FHOD3: variants seen among roughly 807,000 people sequenced by gnomAD.
FHOD3 encodes formin homology 2 domain containing 3, also known as FH1/FH2 domain-containing protein 3.
In FHOD3, 90 loss-of-function variants were observed where a neutral mutation model predicts 173.0. The observed-to-expected ratio is 0.52, with a 90% CI of 0.44 to 0.62. The LOEUF (loss-of-function observed/expected upper bound fraction) is 0.62, where lower values mean the gene tolerates loss of function less well. Among genes scored for constraint, FHOD3 ranks in the 20% least tolerant of loss-of-function variants. FHOD3 has a pLI of 0.00. For synonymous variants in FHOD3, 828 were observed against 823.0 expected (o/e 1.01, Z -0.10); for missense variants, 1,945 against 2,034.7 (o/e 0.96, Z 0.85).
At chr18:36,634,972 A>G (rs116782360) in intron 10 of FHOD3, among the ~76,000 whole-genome samples, 3,900 of 152,292 alleles carry the variant, frequency 0.026, 176 homozygotes, top group African/African-American at 0.09. Flanking sequence ...GATTTATCTG[A>G]TGGTAAGTGA....
intron 14 of FHOD3, among the ~76,000 whole-genome samples, chr18:36,667,071 C>T (rs114099756): frequency 3.3e-4 from 50 of 152,194 alleles, no homozygotes; most frequent in African/African-American, 1.1e-3. Context: ...TTTTGATATT[C>T]CTTCATGTTG....
intron 1 of FHOD3, among the ~76,000 whole-genome samples, chr18:36,348,983 A>G (rs1319096034): frequency 6.6e-6 from 1 of 152,132 alleles, no homozygotes; most frequent in Non-Finnish European, 1.5e-5. Context: ...CAAGCTCATG[A>G]GAAGAGGAGG....
intron 1 of FHOD3, among the ~76,000 whole-genome samples, chr18:36,349,031 C>G (rs967721006): frequency 6.6e-6 from 1 of 152,192 alleles, no homozygotes; most frequent in Non-Finnish European, 1.5e-5. Flanking sequence ...GCTGCTGAGC[C>G]TGTGAGTCAA....
intron 5 of FHOD3, among the ~76,000 whole-genome samples, chr18:36,563,198 CTTAA>C (rs1387731852): frequency 6.6e-6 from 1 of 152,104 alleles, no homozygotes; most frequent in African/African-American, 2.4e-5. Context: ...AGCATGTACT[CTTAA>C]TTGTTTTACA....
At chr18:36,346,926 C>T (rs2045903316) in intron 1 of FHOD3, among the ~76,000 whole-genome samples, 1 of 152,238 alleles carries the variant, frequency 6.6e-6, no homozygotes, top group Non-Finnish European at 1.5e-5. Context: ...TCAGTCCCTA[C>T]ACCCCACATT....
intron 3 of FHOD3, among the ~76,000 whole-genome samples, chr18:36,417,053 C>A (rs887743663): frequency 6.6e-6 from 1 of 152,044 alleles, no homozygotes; most frequent in African/African-American, 2.4e-5. Context: ...TATATATACA[C>A]ATATTTGTAA....
At chr18:36,402,586 TCA>T (rs894700844) in intron 3 of FHOD3, among the ~76,000 whole-genome samples, 1 of 144,898 alleles carries the variant, frequency 6.9e-6, no homozygotes, top group African/African-American at 2.6e-5. Flanking sequence ...ATGTCCAAGG[TCA>T]CACAGCTAGC....
chr18:36,606,015 A>G (rs1438137834), intron 8 of FHOD3, among the ~76,000 whole-genome samples: 2 of 152,154 alleles, frequency 1.3e-5, no homozygotes, highest in African/African-American at 2.4e-5. Flanking sequence ...GGTGGGAGGT[A>G]CAATGAGTAA....
chr18:36,374,090 T>A (rs1449116482), intron 3 of FHOD3, among the ~76,000 whole-genome samples: 1 of 152,214 alleles, frequency 6.6e-6, no homozygotes, highest in African/African-American at 2.4e-5. Context: ...AAAGCAGACT[T>A]GCATGAAAAT....
In FHOD3 at chr18:36,652,629, C is replaced by G. The variant is rs1233845789; in HGVS notation, c.1346C>G (p.Ser449Cys). The G allele has an allele frequency of 1.3e-6, 2 of 1,535,300 alleles. No individual in the cohort carries two copies. The highest frequency in any genetic ancestry group is 1.7e-6 in the Non-Finnish European group (2 of 1,146,674). ...GGAAGGGATGCTGCTCCCAAGAGCT[C>G]TGCCCTCCCTGCTGTCTCGAATGCC... Reference protein sequence around the residue: ...PTGRDAAPKSSALPAVSNASS... With the variant: ...PTGRDAAPKSCALPAVSNASS... Residue 449 changes from serine (S) to cysteine (C), a missense_variant, in exon 12 of 29, where the codon TCT becomes TGT. Around this residue, in one of 5 missense-constraint regions of FHOD3, gnomAD observed 1,099 missense variants for 1,051.2 expected, o/e 1.05. Coordinates refer to ENST00000590592, the MANE Select transcript of FHOD3 (RefSeq NM_001281740.3).
intron 3 of FHOD3, among the ~76,000 whole-genome samples, chr18:36,482,858 C>CACAGAGAGAG (rs1400178557): frequency 6.9e-5 from 9 of 130,372 alleles, no homozygotes; most frequent in African/African-American, 2.2e-4. Flanking sequence ...CACACACACA[C>CACAGAGAGAG]AGAGAGAGAG....
chr18:36,740,622 AG>A, intron 20 of FHOD3, 33 bp from the exon 21 acceptor site: 1 of 1,564,158 alleles, frequency 6.4e-7, no homozygotes, highest in Non-Finnish European at 8.7e-7. Flanking sequence ...TCCATCACTA[AG>A]AGAAAATATA....
At chr18:36,343,487 T>C (rs1344391458) in intron 1 of FHOD3, among the ~76,000 whole-genome samples, 2 of 152,144 alleles carry the variant, frequency 1.3e-5, no homozygotes, top group Admixed American at 1.3e-4. Flanking sequence ...AGGGTGGGCA[T>C]AATGGGAGGT....
chr18:36,703,484 G>A (rs1377293009), intron 17 of FHOD3, among the ~76,000 whole-genome samples: 1 of 152,174 alleles, frequency 6.6e-6, no homozygotes, highest in East Asian at 1.9e-4. Flanking sequence ...TTTCTCACAT[G>A]GGGACATCAA....
intron 6 of FHOD3, among the ~76,000 whole-genome samples, chr18:36,579,793 C>T (rs191976346): frequency 6.6e-6 from 1 of 152,076 alleles, no homozygotes; most frequent in African/African-American, 2.4e-5. Flanking sequence ...AAATAAATTT[C>T]TGTTCTTCAT....
Position 36,658,116 on chromosome 18 carries a change from C to T in FHOD3, c.1763C>T (p.Pro588Leu), listed in dbSNP as rs909146825. 3.7e-6 allele frequency: 6 copies of T among 1,603,166 alleles called. No individual in the cohort carries two copies. Among genetic ancestry groups the T allele is most frequent in the Non-Finnish European group, 5.1e-6 (6 of 1,175,640 alleles). ...AATAACTCTTATCACTCCTCAAGAC[C>T]CTCATCTGGATCCAGTGTGCCCACC... ...FGNNSYHSSR[P>L]SSGSSVPTTP... is the part of the protein sequence containing the mutation. Residue 588 changes from proline (P) to leucine (L), a missense_variant, in exon 14 of 29, where the codon CCC (proline) becomes CTC (leucine). Physicochemically the swap from Pro to Leu is moderately conservative, Grantham distance 98. Around this residue, in one of 5 missense-constraint regions of FHOD3, gnomAD observed 1,099 missense variants for 1,051.2 expected, o/e 1.05. Transcript: ENST00000590592.
intron 19 of FHOD3, among the ~76,000 whole-genome samples, chr18:36,723,622 G>A (rs920048407): frequency 2.6e-5 from 4 of 152,232 alleles, no homozygotes; most frequent in African/African-American, 9.6e-5. Flanking sequence ...CTCTGAGCCC[G>A]ACCCAAGGTC....
At chr18:36,716,914 A>ATGTGTGTGTGTGTGTGTG (rs57041859) in intron 18 of FHOD3, among the ~76,000 whole-genome samples, 27 of 136,908 alleles carry the variant, frequency 2.0e-4, no homozygotes, top group African/African-American at 5.7e-4. Flanking sequence ...ATATATGTGT[A>ATGTGTGTGTGTGTGTGTG]TGTGTGTGTG....
At chr18:36,313,610 C>A (rs2144743076) in intron 1 of FHOD3, among the ~76,000 whole-genome samples, 2 of 152,292 alleles carry the variant, frequency 1.3e-5, no homozygotes, top group Middle Eastern at 3.4e-3. Flanking sequence ...GAGTTCCTGC[C>A]TTTTGATTGC....
Sources: allele counts gnomAD v4.1 joint callset (sites outside exome capture counted in the v4.1 genomes callset), GRCh38; gene constraint gnomAD v4.1.1; regional missense constraint gnomAD v4.1.1; transcripts MANE v1.5; gene names NCBI Gene and HGNC (gene_info 2026-07-23, HGNC 2026-07-21).